The following NAA11 variants were observed in gnomAD, a reference collection of about 807,000 sequenced individuals.
NAA11 encodes the protein N-alpha-acetyltransferase 11.
Under a neutral mutation model 16.1 loss-of-function variants are expected in NAA11, and 15 were observed. That is an observed-to-expected ratio of 0.93 (90% confidence interval 0.62 to 1.44). NAA11 has a LOEUF of 1.44. NAA11 is among the 40% of genes most tolerant of loss of function. The pLI is 0.00. For synonymous variants in NAA11, 122 were observed against 112.4 expected (o/e 1.09, Z -0.54); for missense variants, 298 against 291.3 (o/e 1.02, Z -0.17).
the NAA11 span, among the ~76,000 whole-genome samples, chr4:79,204,626 T>C: frequency 8.6e-6 from 1 of 116,606 alleles, no homozygotes; most frequent in Non-Finnish European, 1.8e-5. Flanking sequence ...CACAGATAAA[T>C]TGGTGAAGTC....
At chr4:79,307,688 C>G (rs973553308) in intron 1 of NAA11, among the ~76,000 whole-genome samples, 3 of 152,094 alleles carry the variant, frequency 2.0e-5, no homozygotes, top group African/African-American at 7.2e-5. Flanking sequence ...AAAACAATAA[C>G]CACAATCTAA....
At chr4:79,207,992 A>G in the NAA11 span, among the ~76,000 whole-genome samples, 12 of 152,166 alleles carry the variant, frequency 7.9e-5, no homozygotes, top group African/African-American at 2.7e-4. Flanking sequence ...GCAATTGTAC[A>G]AAGATCAAAT....
rs1723961591 is a variant in NAA11 at position 79,317,543 on chromosome 4, T to C, written c.*261A>G. On this transcript the variant is annotated 3_prime_UTR_variant, in exon 2 of 2. Transcript: ENST00000286794. The stretch of plus-strand genomic sequence containing the variant: ...CAAACAGAATAAAATGGCAGCGTAG[T>C]GTGAGTAGGCCAAGAAAGGTTCTGT... 6.6e-6 allele frequency: 1 copy of C among 152,170 alleles called. No homozygotes were observed. The highest frequency in any genetic ancestry group is 1.5e-5 in the Non-Finnish European group (1 of 68,052). The allele number at this position is 152,170 out of a possible 1,614,324, so 9.4% of individuals were successfully genotyped here. A position where few individuals can be genotyped will look rare whatever the true frequency, so the allele number is the denominator to read the frequency against.
At chr4:79,309,906 G>A (rs1379100211) in intron 1 of NAA11, among the ~76,000 whole-genome samples, 1 of 151,934 alleles carries the variant, frequency 6.6e-6, no homozygotes, top group Non-Finnish European at 1.5e-5. Flanking sequence ...TAGTAAAGAC[G>A]AGGTTTCACC....
chr4:79,216,032 C>T, the NAA11 span, among the ~76,000 whole-genome samples: 1 of 152,038 alleles, frequency 6.6e-6, no homozygotes, highest in African/African-American at 2.4e-5. Flanking sequence ...CTCTTAAGTA[C>T]TCTGTTCTAT....
chr4:79,298,411 T>G (rs957415356), intron 1 of NAA11, among the ~76,000 whole-genome samples: 3 of 152,216 alleles, frequency 2.0e-5, no homozygotes, highest in Non-Finnish European at 2.9e-5. Flanking sequence ...ATCCCAGACC[T>G]AGGAGTTCCC....
chr4:79,160,270 G>A, the NAA11 span, among the ~76,000 whole-genome samples: 6 of 152,140 alleles, frequency 3.9e-5, no homozygotes, highest in African/African-American at 2.4e-5. Context: ...GGGATTACAG[G>A]CATGAGCCAC....
At chr4:79,196,955 C>CAAAAAAAAAAAAAAA in the NAA11 span, among the ~76,000 whole-genome samples, 49 of 86,166 alleles carry the variant, frequency 5.7e-4, no homozygotes, top group South Asian at 1.1e-3. Context: ...ATGAAAAAGA[C>CAAAAAAAAAAAAAAA]AAAAAAAAAA....
Position 79,276,752 on chromosome 4 carries a change from C to T in NAA11, c.*122+17253G>A, listed in dbSNP as rs116231729. Among the ~76,000 whole-genome samples, 1,325 of 152,152 alleles carry T rather than the reference C, an allele frequency of 8.7e-3. 3 individuals carry two copies. Among genetic ancestry groups the T allele is most frequent in the Middle Eastern group, 0.031 (9 of 294 alleles). On this transcript the variant is annotated intron_variant and NMD_transcript_variant, in intron 2 of 2. Transcript: ENST00000511542. ...GGGAGGAAAAATAAACATCATAAAG[C>T]GAGAGAAGCCCCTTATGGGTCTTTC...
chr4:79,286,057 C>T (rs537301961), intron 2 of NAA11, among the ~76,000 whole-genome samples: 1 of 152,116 alleles, frequency 6.6e-6, no homozygotes, highest in African/African-American at 2.4e-5. Context: ...AACCTTTGTC[C>T]TCTTTCTATT....
chr4:79,222,707 A>T (rs1204326385), downstream of NAA11, among the ~76,000 whole-genome samples: 2 of 148,210 alleles, frequency 1.3e-5, no homozygotes, highest in Non-Finnish European at 3.0e-5. Flanking sequence ...GTGAACAGGC[A>T]ACCTACAAAA....
chr4:79,215,712 C>G, the NAA11 span, among the ~76,000 whole-genome samples: 1 of 152,160 alleles, frequency 6.6e-6, no homozygotes, highest in South Asian at 2.1e-4. Context: ...AGCAAATCTG[C>G]TTCAAAATGC....
chr4:79,289,037 A>G (rs988179640), intron 2 of NAA11, among the ~76,000 whole-genome samples: 8 of 152,236 alleles, frequency 5.3e-5, no homozygotes, highest in Non-Finnish European at 1.2e-4. Flanking sequence ...ATCTTCTGTC[A>G]AGGGACATAC....
At chr4:79,157,376 C>G in the NAA11 span, among the ~76,000 whole-genome samples, 1 of 152,052 alleles carries the variant, frequency 6.6e-6, no homozygotes, top group Non-Finnish European at 1.5e-5. Context: ...TCTTGAATTA[C>G]TGAACTTGGA....
chr4:79,298,679 C>T (rs957265598), intron 1 of NAA11, among the ~76,000 whole-genome samples: 2 of 152,216 alleles, frequency 1.3e-5, no homozygotes, highest in Non-Finnish European at 2.9e-5. Context: ...ATGCCTGACT[C>T]GCCCTTGGCA....
At chr4:79,167,249 A>ACC in the NAA11 span, among the ~76,000 whole-genome samples, 9 of 112,126 alleles carry the variant, frequency 8.0e-5, no homozygotes, top group Middle Eastern at 4.3e-3. Flanking sequence ...ACACACACAC[A>ACC]CCCACATATA....
downstream of NAA11, among the ~76,000 whole-genome samples, chr4:79,312,958 T>TA (rs1723822500): frequency 6.6e-6 from 1 of 152,196 alleles, no homozygotes; most frequent in African/African-American, 2.4e-5. Context: ...AAAGGTAACT[T>TA]TTATTGAGTC....
the NAA11 span, among the ~76,000 whole-genome samples, chr4:79,214,590 G>A: frequency 6.6e-6 from 1 of 152,114 alleles, no homozygotes; most frequent in Non-Finnish European, 1.5e-5. Context: ...ACAAGGTCAG[G>A]AGATCGAGAC....
the NAA11 span, among the ~76,000 whole-genome samples, chr4:79,175,084 T>C: frequency 6.6e-6 from 1 of 152,132 alleles, no homozygotes; most frequent in East Asian, 1.9e-4. Context: ...AGTTTGCTGC[T>C]CATTTCTGAA....
Sources: allele counts gnomAD v4.1 joint callset (sites outside exome capture counted in the v4.1 genomes callset), GRCh38; gene constraint gnomAD v4.1.1; transcripts MANE v1.5; gene names NCBI Gene and HGNC (gene_info 2026-07-23, HGNC 2026-07-21).